The following FAM13C variants were observed in gnomAD, a reference collection of about 807,000 sequenced individuals.
The protein encoded by FAM13C is protein FAM13C.
Under a neutral mutation model 73.2 loss-of-function variants are expected in FAM13C, and 37 were observed. That is an observed-to-expected ratio of 0.51 (90% CI 0.39 to 0.67). FAM13C has a LOEUF of 0.67. Ranked by LOEUF, FAM13C falls within the 30% of genes least tolerant of loss-of-function variation. The pLI, the probability that FAM13C is intolerant of heterozygous loss-of-function variation, is 0.00. For missense variants in FAM13C, 589 were observed against 715.6 expected, an observed-to-expected ratio of 0.82 and a Z score of 2.02; for synonymous variants, 246 against 260.9, an observed-to-expected ratio of 0.94 and a Z score of 0.55.
chr10:59,307,008 G>A (rs1848333504), intron 4 of FAM13C, among the ~76,000 whole-genome samples: 1 of 152,112 alleles, frequency 6.6e-6, no homozygotes, highest in Non-Finnish European at 1.5e-5. Flanking sequence ...AAGAGATGCG[G>A]TAATCAAAAT....
At chr10:59,347,567 G>A (rs868755775) in intron 3 of FAM13C, among the ~76,000 whole-genome samples, 24 of 151,648 alleles carry the variant, frequency 1.6e-4, no homozygotes, top group Middle Eastern at 3.4e-3. Flanking sequence ...TGGGGTACAC[G>A]TGCAGAATGT....
At chr10:59,300,442 G>A (rs1307701377) in intron 5 of FAM13C, among the ~76,000 whole-genome samples, 3 of 152,148 alleles carry the variant, frequency 2.0e-5, no homozygotes, top group Admixed American at 6.6e-5. Context: ...GATGTGTGGG[G>A]AGGTGGTGAA....
chr10:59,356,794 A>G (rs544990265), intron 1 of FAM13C, among the ~76,000 whole-genome samples: 1 of 152,276 alleles, frequency 6.6e-6, no homozygotes, highest in South Asian at 2.1e-4. Flanking sequence ...GGAGATTAAC[A>G]TTTGAGTCAG....
intron 5 of FAM13C, among the ~76,000 whole-genome samples, chr10:59,292,067 T>C (rs922101604): frequency 5.3e-5 from 8 of 152,252 alleles, no homozygotes; most frequent in Non-Finnish European, 1.0e-4. Flanking sequence ...GGATTACACG[T>C]GTGAGCCACT....
At chr10:59,297,802 T>C (rs1390681591) in intron 5 of FAM13C, among the ~76,000 whole-genome samples, 2 of 152,162 alleles carry the variant, frequency 1.3e-5, no homozygotes, top group African/African-American at 2.4e-5. Context: ...TAGATTTTTC[T>C]ATGTTCCTAC....
intron 6 of FAM13C, among the ~76,000 whole-genome samples, chr10:59,272,738 C>T (rs1180997423): frequency 6.6e-6 from 1 of 152,120 alleles, no homozygotes; most frequent in Non-Finnish European, 1.5e-5. Context: ...GCCTGTCTTC[C>T]TCACAGGACT....
chr10:59,316,905 AAC>A (rs1849596217), intron 4 of FAM13C, among the ~76,000 whole-genome samples: 1 of 152,206 alleles, frequency 6.6e-6, no homozygotes, highest in African/African-American at 2.4e-5. Flanking sequence ...AATTATGTAT[AAC>A]ACAATGTAAT....
At chr10:59,310,539 T>A (rs1353243777) in intron 4 of FAM13C, among the ~76,000 whole-genome samples, 3 of 151,772 alleles carry the variant, frequency 2.0e-5, no homozygotes, top group African/African-American at 7.3e-5. Flanking sequence ...AGGACTGAGG[T>A]CAAATATTAA....
chr10:59,283,257 C>T, intron 6 of FAM13C, 106 bp downstream of exon 6: 1 of 1,196,792 alleles, frequency 8.4e-7, no homozygotes, highest in Non-Finnish European at 1.2e-6. Context: ...TTTCATGTTG[C>T]CCCAGGCACT....
intron 4 of FAM13C, among the ~76,000 whole-genome samples, chr10:59,306,676 G>C (rs284586): frequency 0.58 from 87,758 of 152,022 alleles, 26,421 homozygotes; most frequent in Admixed American, 0.66. Flanking sequence ...AGGAGTTCGA[G>C]ACCAGCCTGG....
intron 6 of FAM13C, among the ~76,000 whole-genome samples, chr10:59,276,769 TG>T (rs1682018640): frequency 6.6e-6 from 1 of 152,148 alleles, no homozygotes; most frequent in African/African-American, 2.4e-5. Context: ...AAAATATATC[TG>T]GGTTTTCAAG....
intron 3 of FAM13C, among the ~76,000 whole-genome samples, chr10:59,351,873 G>A (rs1855086712): frequency 6.6e-6 from 1 of 152,120 alleles, no homozygotes; most frequent in Admixed American, 6.5e-5. Context: ...GCAGGCGCCT[G>A]TAATCCCAGC....
chr10:59,341,654 A>C (rs1853538291), intron 3 of FAM13C, among the ~76,000 whole-genome samples: 2 of 152,188 alleles, frequency 1.3e-5, no homozygotes, highest in South Asian at 4.1e-4. Context: ...GCACCATTGC[A>C]CTTCAGCCTC....
Position 59,252,785 on chromosome 10 carries a change from G to C in FAM13C, c.1532+14C>G. ...GAGTTAAGAGGAGACTCCACACTTA[G>C]GATTCATACTCACATGGTAGCCTCA... On this transcript the variant is annotated intron_variant, in intron 12 of 13. Coordinates refer to ENST00000618804, the MANE Select transcript of FAM13C (RefSeq NM_198215.4). 6.2e-7 allele frequency: 1 copy of C among 1,612,408 alleles called. No individual in the cohort carries two copies. The highest frequency in any genetic ancestry group is 8.5e-7 in the Non-Finnish European group (1 of 1,179,100).
chr10:59,322,122 C>A (rs1386678854), intron 4 of FAM13C, among the ~76,000 whole-genome samples: 1 of 152,164 alleles, frequency 6.6e-6, no homozygotes, highest in Non-Finnish European at 1.5e-5. Flanking sequence ...ATGTGAGCTA[C>A]CTGATTCAAA....
At position 59,248,695 on chromosome 10, in the gene FAM13C, G is replaced by A. The variant is rs549188795; in HGVS notation, c.1635-958C>T. On this transcript the variant is annotated intron_variant, in intron 13 of 13. Coordinates refer to ENST00000618804, the MANE Select transcript of FAM13C (RefSeq NM_198215.4). ...TCTAATGTTAGTATGGCTGAAACCA[G>A]GTAAATAGCATATATTTAATGTTTT... Among the ~76,000 whole-genome samples, 3 of 152,140 alleles carry A rather than the reference G, an allele frequency of 2.0e-5. No homozygotes were observed. In the South Asian group the frequency reaches 6.2e-4, roughly 32 times the overall value.
At position 59,262,527 on chromosome 10, in the gene FAM13C, C is replaced by T. The variant is rs370922025; in HGVS notation, c.1143G>A (p.Pro381=). ...RENGKPEAAG[P]EPSSSGEETP... Reference sequence around the variant, plus strand: ...TCTCTTCTCCAGAGGAGCTTGGCTCCGGGCCCGCAGCTTCCGGTTTCCCAT... The same window carrying T: ...TCTCTTCTCCAGAGGAGCTTGGCTCTGGGCCCGCAGCTTCCGGTTTCCCAT... The change falls in exon 10 of 14, where the codon CCG becomes CCA. Residue 381 remains proline, a synonymous_variant. Coordinates refer to ENST00000618804, the MANE Select transcript of FAM13C (RefSeq NM_198215.4). 2.2e-5 allele frequency: 36 copies of T among 1,613,572 alleles called. No individual in the cohort carries two copies. Among genetic ancestry groups the T allele is most frequent in the South Asian group, 3.3e-5 (3 of 91,058 alleles).
Position 59,298,210 on chromosome 10 carries a change from T to C in FAM13C, c.507+4591A>G, listed in dbSNP as rs539594466. On this transcript the variant is annotated intron_variant, in intron 5 of 13. Coordinates refer to ENST00000618804, the MANE Select transcript of FAM13C (RefSeq NM_198215.4). ...TCAATGCCAGCACAAGAGAGTTTCA[T>C]GGCCAATAAGCCTCAAAGACAAGGG... 8.5e-5 allele frequency among the ~76,000 whole-genome samples: 13 copies of C among 152,340 alleles called. No individual in the cohort carries two copies. The South Asian group carries it at 2.7e-3, about 32-fold the overall frequency.
intron 3 of FAM13C, among the ~76,000 whole-genome samples, chr10:59,333,422 A>T (rs2134117806): frequency 6.6e-6 from 1 of 152,242 alleles, no homozygotes; most frequent in Non-Finnish European, 1.5e-5. Flanking sequence ...TGTGAGAGGG[A>T]GTTTGCAGTG....
Sources: allele counts gnomAD v4.1 joint callset (sites outside exome capture counted in the v4.1 genomes callset), GRCh38; gene constraint gnomAD v4.1.1; transcripts MANE v1.5; gene names NCBI Gene and HGNC (gene_info 2026-07-23, HGNC 2026-07-21).